The following HEATR3 variants were observed in gnomAD, a reference collection of about 807,000 sequenced individuals.
HEATR3 encodes HEAT repeat-containing protein 3.
In HEATR3, 56 loss-of-function variants were observed where a neutral mutation model predicts 72.8. The ratio of observed to expected loss-of-function variants is 0.77; its 90% CI spans 0.62 to 0.96. HEATR3 has a LOEUF of 0.96. HEATR3 is among the 40% of genes least tolerant of loss of function. HEATR3 has a pLI of 0.00. For synonymous variants in HEATR3, 331 were observed against 318.1 expected (o/e 1.04, Z -0.43); for missense variants, 747 against 831.4 (o/e 0.90, Z 1.25).
chr16:50,069,886 A>G (rs2036573637), intron 3 of HEATR3, among the ~76,000 whole-genome samples: 2 of 152,206 alleles, frequency 1.3e-5, no homozygotes, highest in African/African-American at 4.8e-5. Flanking sequence ...GGATTAAATG[A>G]CTTGATACAT....
intron 1 of HEATR3, 46 bp downstream of exon 1, chr16:50,066,315 C>G: frequency 1.3e-6 from 2 of 1,567,924 alleles, no homozygotes; most frequent in South Asian, 2.3e-5. Context: ...CGAGGTTGCC[C>G]CGCGCGCGTG....
rs369178632 is a variant in HEATR3, at chr16:50,097,078, A to T, written c.1599+2285A>T. 7.2e-5 allele frequency among the ~76,000 whole-genome samples: 11 copies of T among 151,968 alleles called. No individual in the cohort carries two copies. The East Asian group carries it at 7.7e-4, about 11-fold the overall frequency. The stretch of plus-strand genomic sequence containing the variant: ...CCAGGTCCAGATTATTTATTTATTT[A>T]TTTTTTGTATTTATAATAAATAATC... On this transcript the variant is annotated intron_variant, in intron 12 of 14. Transcript: ENST00000299192.
chr16:50,070,123 T>C, intron 3 of HEATR3, 55 bp from the exon 4 acceptor site: 1 of 834,630 alleles, frequency 1.2e-6, no homozygotes, highest in Non-Finnish European at 1.9e-6. Context: ...ATCATTACCC[T>C]ATTTGTTTAA....
chr16:50,093,441 A>T (rs1360991021), intron 11 of HEATR3, among the ~76,000 whole-genome samples: 1 of 151,526 alleles, frequency 6.6e-6, no homozygotes, highest in Non-Finnish European at 1.5e-5. Flanking sequence ...ATCCCCTCCC[A>T]CCTCCCACCT....
chr16:50,083,848 C>A, intron 7 of HEATR3, 89 bp from the exon 8 acceptor site: 1 of 1,210,288 alleles, frequency 8.3e-7, no homozygotes, highest in Admixed American at 2.2e-5. Context: ...GCGCAAAAAT[C>A]TTCTAGTAGG....
At chr16:50,100,554 G>T in intron 13 of HEATR3, 181 bp downstream of exon 13, 3 of 540,166 alleles carry the variant, frequency 5.6e-6, no homozygotes, top group Non-Finnish European at 9.5e-6. Context: ...TATTAATTAG[G>T]TAAGTATTTG....
Position 50,086,267 on chromosome 16 carries a change from C to T in HEATR3, c.1426C>T (p.Leu476Phe), listed in dbSNP as rs1187591063. ...ALFCLQSLVS[L>F]LDVEHLGGAA... ...CTTCTGTCTCCAGAGTCTTGTGTCCCTCCTGGATGTGGAGCACCTGGGAGG... is the reference window on the plus strand; with the variant it reads ...CTTCTGTCTCCAGAGTCTTGTGTCCTTCCTGGATGTGGAGCACCTGGGAGG... Residue 476 changes from leucine to phenylalanine, a missense_variant, in exon 11 of 15, where the codon CTC becomes TTC. By Grantham distance (22) the Leu-to-Phe change is conservative. This residue lies in a region of HEATR3 where 586 missense variants were observed against 708.8 expected (regional missense o/e 0.83). Transcript: ENST00000299192. 4 of 1,583,978 alleles carry T rather than the reference C, an allele frequency of 2.5e-6. No homozygotes were observed. In the Admixed American group the frequency reaches 5.4e-5, roughly 21 times the overall value.
At chr16:50,092,203 G>A (rs886334836) in intron 11 of HEATR3, among the ~76,000 whole-genome samples, 4 of 151,754 alleles carry the variant, frequency 2.6e-5, no homozygotes. Context: ...GGACGTGGTG[G>A]CACGTGCCTG....
chr16:50,105,227 T>A lies in HEATR3; in HGVS notation c.*166T>A. 1 of 683,354 alleles carries A rather than the reference T, an allele frequency of 1.5e-6. No individual in the cohort carries two copies. The highest frequency in any genetic ancestry group is 2.4e-6 in the Non-Finnish European group (1 of 423,908). The allele number at this position is 683,354 out of a possible 1,614,324, so 42.3% of individuals were successfully genotyped here. A position where few individuals can be genotyped will look rare whatever the true frequency, so the allele number is the denominator to read the frequency against. The stretch of plus-strand genomic sequence containing the variant: ...GGCCAGGCATGGTGGCTCACGCCTA[T>A]AATCCCAGCACCTTGGGAGACCGAG... On this transcript the variant is annotated 3_prime_UTR_variant, in exon 15 of 15. Transcript: ENST00000299192.
intron 12 of HEATR3, among the ~76,000 whole-genome samples, chr16:50,097,087 A>G (rs2037255934): frequency 6.6e-6 from 1 of 152,038 alleles, no homozygotes; most frequent in African/African-American, 2.4e-5. Context: ...TATTTTTTGT[A>G]TTTATAATAA....
intron 2 of HEATR3, 188 bp downstream of exon 2, chr16:50,066,727 C>T (rs1264210615): frequency 6.1e-6 from 3 of 492,548 alleles, no homozygotes; most frequent in Non-Finnish European, 9.6e-6. Context: ...CTCATCTGTC[C>T]ACCTGGCTGC....
At chr16:50,072,219 G>C (rs971687615) in intron 4 of HEATR3, among the ~76,000 whole-genome samples, 3 of 152,174 alleles carry the variant, frequency 2.0e-5, no homozygotes, top group Admixed American at 2.0e-4. Flanking sequence ...CTAGGTACTG[G>C]GCCTGGCTCT....
rs1185716692 is a variant in HEATR3, at chr16:50,066,447, G to A, written c.219G>A (p.Pro73=). 1 of 1,398,060 alleles carries A rather than the reference G, an allele frequency of 7.2e-7. No individual in the cohort carries two copies. The highest frequency in any genetic ancestry group is 9.2e-7 in the Non-Finnish European group (1 of 1,084,964). The allele number at this position is 1,398,060 out of a possible 1,614,324, so 86.6% of individuals were successfully genotyped here. A position where few individuals can be genotyped will look rare whatever the true frequency, so the allele number is the denominator to read the frequency against. ...TGGTGCAGCAGCGGCCGGCACTCCC[G>A]GGCCTGGCGCGACGAGACGCCGTGC... ...ARLVQQRPAL[P]GLARRDAVRR... The change falls in exon 2 of 15, where the codon CCG becomes CCA. Residue 73 remains proline (P), a synonymous_variant. Coordinates refer to ENST00000299192, the MANE Select transcript of HEATR3 (RefSeq NM_182922.4).
At chr16:50,069,701 G>T (rs982565452) in intron 3 of HEATR3, among the ~76,000 whole-genome samples, 1 of 152,176 alleles carries the variant, frequency 6.6e-6, no homozygotes, top group African/African-American at 2.4e-5. Flanking sequence ...GGTCTCCTGG[G>T]CTGTACTAGA....
intron 5 of HEATR3, chr16:50,074,282 C>T (rs2036674658): frequency 6.6e-6 from 1 of 152,104 alleles, no homozygotes; most frequent in Non-Finnish European, 1.5e-5. Flanking sequence ...AGCCAGACGT[C>T]CCAAAACCTA....
chr16:50,071,876 G>A (rs1029643608), intron 4 of HEATR3, among the ~76,000 whole-genome samples: 76 of 152,224 alleles, frequency 5.0e-4, no homozygotes, highest in South Asian at 2.5e-3. Context: ...TTGTTAACTC[G>A]TATTTAATGT....
Position 50,106,780 on chromosome 16 carries a change from G to A in HEATR3, c.*1719G>A, listed in dbSNP as rs1007628970. On this transcript the variant is annotated 3_prime_UTR_variant, in exon 15 of 15. Transcript: ENST00000299192. ...CACAGCAGCACAAAATGAGCTAGTA[G>A]TGTTAGATTTCATCTGCACTGTGAT... 5 of 152,102 alleles carry A rather than the reference G, an allele frequency of 3.3e-5. No individual in the cohort carries two copies. Among genetic ancestry groups the A allele is most frequent in the South Asian group, 4.1e-4 (2 of 4,820 alleles). 9.4% of individuals were successfully genotyped at this position (152,102 alleles called of 1,614,324 possible). A position where few individuals can be genotyped will look rare whatever the true frequency, so the allele number is the denominator to read the frequency against.
intron 12 of HEATR3, 97 bp downstream of exon 12, chr16:50,094,890 G>A: frequency 1.6e-6 from 1 of 638,078 alleles, no homozygotes; most frequent in Non-Finnish European, 2.7e-6. Flanking sequence ...ACATATTTCT[G>A]TTACAAGAAT....
At chr16:50,071,493 A>T (rs1475153376) in intron 4 of HEATR3, among the ~76,000 whole-genome samples, 1 of 152,226 alleles carries the variant, frequency 6.6e-6, no homozygotes, top group Non-Finnish European at 1.5e-5. Flanking sequence ...TTTTTAAAAA[A>T]TTTCCTTGAA....
Sources: gnomAD v4.1 joint callset for allele counts (sites outside exome capture counted in the v4.1 genomes callset) on GRCh38, gnomAD v4.1.1 for gene constraint, gnomAD v4.1.1 regional missense constraint, MANE v1.5 for transcripts, NCBI Gene and HGNC (gene_info 2026-07-23, HGNC 2026-07-21) for gene names.